MAF: variants seen among roughly 807,000 people sequenced by gnomAD.
MAF encodes the protein MAF bZIP transcription factor, also known as transcription factor Maf.
Under a neutral mutation model 22.0 loss-of-function variants are expected in MAF, and 10 were observed. That is an observed-to-expected ratio of 0.45 (90% CI 0.28 to 0.77). MAF has a LOEUF of 0.77. Among genes scored for constraint, MAF ranks in the 30% least tolerant of loss-of-function variants. The pLI, the probability that MAF is intolerant of heterozygous loss-of-function variation, is 0.12. For missense variants in MAF, 544 were observed against 548.4 expected (o/e 0.99, Z 0.08); for synonymous variants, 337 against 255.8 (o/e 1.32, Z -3.03).
At chr16:79,433,823 T>C in the MAF span, among the ~76,000 whole-genome samples, 1 of 152,178 alleles carries the variant, frequency 6.6e-6, no homozygotes, top group Admixed American at 6.5e-5. Flanking sequence ...TGATTAAAAA[T>C]CCAGATTTTG....
At chr16:79,491,395 A>G in the MAF span, among the ~76,000 whole-genome samples, 2 of 152,328 alleles carry the variant, frequency 1.3e-5, no homozygotes, top group African/African-American at 2.4e-5. Context: ...CTCCTGTGGC[A>G]TCTGATTGCA....
the MAF span, among the ~76,000 whole-genome samples, chr16:79,479,970 G>C: frequency 3.3e-5 from 5 of 152,140 alleles, no homozygotes; most frequent in Non-Finnish European, 5.9e-5. Context: ...AGCTGATTAG[G>C]AAATAAGCTG....
At chr16:79,539,121 T>C in the MAF span, among the ~76,000 whole-genome samples, 2 of 152,366 alleles carry the variant, frequency 1.3e-5, no homozygotes, top group Admixed American at 1.3e-4. Context: ...AATAAGGTAG[T>C]TACAGTGAAA....
At chr16:79,289,029 CTGTT>C in the MAF span, among the ~76,000 whole-genome samples, 6 of 152,328 alleles carry the variant, frequency 3.9e-5, no homozygotes, top group Non-Finnish European at 4.4e-5. Flanking sequence ...TGCACCCAGC[CTGTT>C]TGTTTGTTAA....
At chr16:79,323,429 T>C in the MAF span, among the ~76,000 whole-genome samples, 3 of 152,074 alleles carry the variant, frequency 2.0e-5, no homozygotes, top group African/African-American at 7.3e-5. Flanking sequence ...TTGTTTCCTA[T>C]GTAAAACTGT....
the MAF span, among the ~76,000 whole-genome samples, chr16:79,564,607 G>C: frequency 3.3e-5 from 5 of 152,260 alleles, no homozygotes; most frequent in African/African-American, 1.2e-4. Flanking sequence ...GACAACTCTC[G>C]GGGCATGGAG....
At chr16:79,372,427 A>G in the MAF span, among the ~76,000 whole-genome samples, 2 of 152,242 alleles carry the variant, frequency 1.3e-5, no homozygotes, top group African/African-American at 4.8e-5. Flanking sequence ...ATGTCTGCTC[A>G]GAGACCAGCT....
chr16:79,430,833 T>G, the MAF span, among the ~76,000 whole-genome samples: 1 of 152,236 alleles, frequency 6.6e-6, no homozygotes, highest in Non-Finnish European at 1.5e-5. Flanking sequence ...CCTCTGCTCT[T>G]GGCCTCAGCA....
chr16:79,390,276 A>G, the MAF span, among the ~76,000 whole-genome samples: 2 of 151,670 alleles, frequency 1.3e-5, no homozygotes, highest in Admixed American at 1.3e-4. Context: ...CTGTCTGTGG[A>G]TTATTATTAT....
chr16:79,228,877 C>A, the MAF span, among the ~76,000 whole-genome samples: 1 of 151,836 alleles, frequency 6.6e-6, no homozygotes, highest in South Asian at 2.1e-4. Context: ...ACATAGACTA[C>A]AGTGAGAATG....
the MAF span, among the ~76,000 whole-genome samples, chr16:79,283,302 C>T: frequency 1.3e-5 from 2 of 152,186 alleles, no homozygotes; most frequent in African/African-American, 2.4e-5. Flanking sequence ...TTACATTAGA[C>T]ATATGAAACT....
chr16:79,341,909 G>A, the MAF span, among the ~76,000 whole-genome samples: 1 of 152,204 alleles, frequency 6.6e-6, no homozygotes, highest in South Asian at 2.1e-4. Flanking sequence ...CAGGGATGAT[G>A]TTTGTGCACT....
chr16:79,226,652 G>C, the MAF span, among the ~76,000 whole-genome samples: 1 of 151,762 alleles, frequency 6.6e-6, no homozygotes, highest in Non-Finnish European at 1.5e-5. Flanking sequence ...AATACGTATT[G>C]AGAGAAAAAA....
Position 79,599,379 on chromosome 16 carries a change from C to G in MAF, c.524G>C (p.Ser175Thr), listed in dbSNP as rs1272788917. ...GTGGTGGTAGTGCGGGCCCGCGCCG[C>G]TCTGCGCGGCGGCCGCGGCGATCAC... ...SAVIAAAAAQ[S>T]GAGPHYHHHH... is the part of the protein sequence containing the mutation. Residue 175 changes from serine to threonine, a missense_variant, in exon 1 of 2, where the codon AGC becomes ACC. By Grantham distance (58) the Ser-to-Thr change is moderately conservative (BLOSUM62 1). Transcript: ENST00000326043. The G allele has an allele frequency of 9.9e-7, 1 of 1,011,186 alleles. No homozygotes were observed. The highest frequency in any genetic ancestry group is 1.2e-6 in the Non-Finnish European group (1 of 848,896). 62.6% of individuals were successfully genotyped at this position (1,011,186 alleles called of 1,614,324 possible). A position where few individuals can be genotyped will look rare whatever the true frequency, so the allele number is the denominator to read the frequency against.
At chr16:79,414,305 C>A in the MAF span, among the ~76,000 whole-genome samples, 1 of 152,184 alleles carries the variant, frequency 6.6e-6, no homozygotes, top group Admixed American at 6.5e-5. Flanking sequence ...AGCATCTGCT[C>A]AGCTTCTGGT....
chr16:79,568,677 C>A, the MAF span, among the ~76,000 whole-genome samples: 1 of 152,248 alleles, frequency 6.6e-6, no homozygotes, highest in South Asian at 2.1e-4. Context: ...TGCTGCTGTT[C>A]CTGAGTCCTT....
the MAF span, among the ~76,000 whole-genome samples, chr16:79,225,950 C>A: frequency 6.6e-6 from 1 of 152,258 alleles, no homozygotes. Context: ...ATTAGTTCAA[C>A]CATTGTGGAA....
chr16:79,485,519 A>AC, the MAF span, among the ~76,000 whole-genome samples: 2 of 152,250 alleles, frequency 1.3e-5, no homozygotes, highest in Non-Finnish European at 2.9e-5. Context: ...TGAGCCCAGC[A>AC]CATAACAACA....
the MAF span, among the ~76,000 whole-genome samples, chr16:79,430,129 T>C: frequency 1.3e-5 from 2 of 152,174 alleles, no homozygotes; most frequent in African/African-American, 4.8e-5. Context: ...GCTTCAGCTC[T>C]CCACTCACTG....
Sources: gnomAD v4.1 joint callset for allele counts (sites outside exome capture counted in the v4.1 genomes callset) on GRCh38, gnomAD v4.1.1 for gene constraint, MANE v1.5 for transcripts, NCBI Gene and HGNC (gene_info 2026-07-23, HGNC 2026-07-21) for gene names.